ZMIZ1: variants seen among roughly 807,000 people sequenced by gnomAD.
The protein encoded by ZMIZ1 is zinc finger MIZ-type containing 1.
In ZMIZ1, 17 loss-of-function variants were observed where a neutral mutation model predicts 113.9. The observed-to-expected ratio is 0.15, with a 90% CI of 0.10 to 0.22. The LOEUF is 0.22. Ranked by LOEUF, ZMIZ1 falls within the 10% of genes least tolerant of loss-of-function variation. ZMIZ1 has a pLI of 1.00. For missense variants in ZMIZ1, 1,059 were observed against 1,477.8 expected, an observed-to-expected ratio of 0.72 and a Z score of 4.65; for synonymous variants, 607 against 603.1, an observed-to-expected ratio of 1.01 and a Z score of -0.09.
chr10:79,301,201 G>C (rs1007112178), intron 17 of ZMIZ1, among the ~76,000 whole-genome samples: 5 of 152,112 alleles, frequency 3.3e-5, no homozygotes, highest in Admixed American at 2.6e-4. Context: ...GCCTCCGTCT[G>C]TTCTCCACAC....
intron 1 of ZMIZ1, among the ~76,000 whole-genome samples, chr10:79,079,637 G>GC (rs2132178562): frequency 6.7e-6 from 1 of 148,640 alleles, no homozygotes; most frequent in South Asian, 2.3e-4. Flanking sequence ...TGGCACTGGG[G>GC]CCGGGGGGGT....
At chr10:79,258,763 A>C (rs1423623340) in intron 7 of ZMIZ1, among the ~76,000 whole-genome samples, 2 of 152,074 alleles carry the variant, frequency 1.3e-5, no homozygotes, top group Non-Finnish European at 2.9e-5. Context: ...AAGGCCATGG[A>C]CTGTTTTCTC....
intron 3 of ZMIZ1, among the ~76,000 whole-genome samples, chr10:79,160,758 T>C (rs1846082352): frequency 6.6e-6 from 1 of 152,246 alleles, no homozygotes; most frequent in Non-Finnish European, 1.5e-5. Context: ...ACCGAGCCCC[T>C]TGGCGTGTAT....
chr10:79,312,651 G>A lies in ZMIZ1; in HGVS notation c.3106G>A (p.Glu1036Lys), dbSNP rs762797945. Reference protein sequence around the residue: ...MPEPSLDLLPELTNPDELLSY... With the variant: ...MPEPSLDLLPKLTNPDELLSY... ...ACTCCTTCTTTTCCAGCTCCTTCCC[G>A]AACTCACAAATCCTGACGAGCTCCT... is the stretch of plus-strand genomic sequence containing the variant. Residue 1036 changes from glutamate to lysine, a missense_variant, in exon 25 of 25, where the codon GAA becomes AAA. Glu to Lys is a moderately conservative substitution (Grantham distance 56). Around this residue, in one of 6 missense-constraint regions of ZMIZ1, gnomAD observed 225 missense variants for 276.0 expected, o/e 0.82. Transcript: ENST00000334512. The A allele has an allele frequency of 2.5e-6, 4 of 1,614,066 alleles. No individual in the cohort carries two copies. Among genetic ancestry groups the A allele is most frequent in the Non-Finnish European group, 3.4e-6 (4 of 1,179,992 alleles).
chr10:79,114,099 G>A (rs968936821), intron 1 of ZMIZ1, among the ~76,000 whole-genome samples: 1 of 152,232 alleles, frequency 6.6e-6, no homozygotes, highest in South Asian at 2.1e-4. Flanking sequence ...GCTGGGGACT[G>A]GGGTGGCCCC....
At chr10:79,295,761 G>A (rs1410387136) in intron 12 of ZMIZ1, 2 of 152,292 alleles carry the variant, frequency 1.3e-5, no homozygotes, top group African/African-American at 4.8e-5. Context: ...GGGCAAGAGA[G>A]ACACTCAGAT....
At chr10:79,215,403 G>A (rs543884198) in intron 6 of ZMIZ1, among the ~76,000 whole-genome samples, 3 of 151,756 alleles carry the variant, frequency 2.0e-5, no homozygotes, top group East Asian at 1.9e-4. Flanking sequence ...AGGTCCAAGC[G>A]ATTCTTCTGC....
chr10:79,277,621 T>C (rs576054029), intron 8 of ZMIZ1, among the ~76,000 whole-genome samples: 265 of 152,284 alleles, frequency 1.7e-3, no homozygotes, highest in Non-Finnish European at 3.0e-3. Context: ...ACCAGGGTAT[T>C]GGGCAAACCC....
At chr10:79,206,824 C>T (rs1415948964) in intron 5 of ZMIZ1, among the ~76,000 whole-genome samples, 3 of 152,248 alleles carry the variant, frequency 2.0e-5, no homozygotes, top group African/African-American at 4.8e-5. Flanking sequence ...TGCTGCTTGC[C>T]TGCCCTCTTT....
intron 19 of ZMIZ1, among the ~76,000 whole-genome samples, chr10:79,304,562 G>T (rs544463556): frequency 6.6e-6 from 1 of 152,328 alleles, no homozygotes; most frequent in Admixed American, 6.5e-5. Flanking sequence ...GACAGCCCCA[G>T]TCTGAGCAGG....
In ZMIZ1 at chr10:79,069,050, G is replaced by A. The variant is rs1842153309; in HGVS notation, c.-557G>A. On this transcript the variant is annotated 5_prime_UTR_variant, in exon 1 of 25. Coordinates refer to ENST00000334512, the MANE Select transcript of ZMIZ1 (RefSeq NM_020338.4). The surrounding 1 kb of genome is among the most constrained non-coding windows in gnomAD (Gnocchi z 4.6). ...GCGGCGGCGGCGGGCGCCGGGGAGA[G>A]CGGGCGGCCGGGCGGCAGGCGGGCG... The A allele has an allele frequency of 1.3e-5, 2 of 151,398 alleles. No homozygotes were observed. Among genetic ancestry groups the A allele is most frequent in the Admixed American group, 1.3e-4 (2 of 15,070 alleles). 9.4% of individuals were successfully genotyped at this position (151,398 alleles called of 1,614,324 possible).
intron 1 of ZMIZ1, among the ~76,000 whole-genome samples, chr10:79,072,532 C>T (rs66870634): frequency 0.18 from 28,103 of 152,186 alleles, 5,071 homozygotes; most frequent in African/African-American, 0.47. Context: ...AGAATACCTG[C>T]GTATAAAGCC....
intron 4 of ZMIZ1, among the ~76,000 whole-genome samples, chr10:79,198,230 G>T (rs967685132): frequency 2.0e-5 from 3 of 152,130 alleles, no homozygotes; most frequent in African/African-American, 4.8e-5. Context: ...CTGCACTCCA[G>T]CCTGGGCGAC....
At chr10:79,109,255 C>T (rs988544244) in intron 1 of ZMIZ1, among the ~76,000 whole-genome samples, 4 of 152,164 alleles carry the variant, frequency 2.6e-5, no homozygotes, top group Non-Finnish European at 5.9e-5. Flanking sequence ...TGTGCAAGTG[C>T]GCCTGTGTGC....
At chr10:79,189,796 C>T (rs4979851) in intron 4 of ZMIZ1, among the ~76,000 whole-genome samples, 29,392 of 152,210 alleles carry the variant, frequency 0.19, 3,247 homozygotes, top group South Asian at 0.3. Flanking sequence ...TGTTGGTTTT[C>T]AGCAGGCAGC....
chr10:79,137,867 C>T (rs889540521), intron 2 of ZMIZ1, among the ~76,000 whole-genome samples: 6 of 151,922 alleles, frequency 3.9e-5, no homozygotes, highest in Admixed American at 1.3e-4. Context: ...TGGGCCCTGG[C>T]GCCTCTGCCA....
chr10:79,278,433 T>C (rs1852445060), intron 8 of ZMIZ1, among the ~76,000 whole-genome samples: 1 of 147,762 alleles, frequency 6.8e-6, no homozygotes, highest in South Asian at 2.1e-4. Context: ...ATTTTAATTC[T>C]TTTTTTTAAT....
In ZMIZ1 at chr10:79,204,220, C is replaced by T. The variant is rs188417179; in HGVS notation, c.60+2528C>T. ...TCACCTCTCCACACAGCCTTCCCTT[C>T]CTGCCCTCACCTTGGTTGTAGCCTT... On this transcript the variant is annotated intron_variant, in intron 5 of 24. Coordinates refer to ENST00000334512, the MANE Select transcript of ZMIZ1 (RefSeq NM_020338.4). Among the ~76,000 whole-genome samples the T allele has an allele frequency of 8.7e-4, 132 of 152,336 alleles. 1 individual carries two copies. The highest frequency in any genetic ancestry group is 1.9e-3 in the South Asian group (9 of 4,824).
chr10:79,135,108 C>T (rs1844943376), intron 2 of ZMIZ1, among the ~76,000 whole-genome samples: 1 of 152,244 alleles, frequency 6.6e-6, no homozygotes, highest in East Asian at 1.9e-4. Flanking sequence ...TGATCCACTG[C>T]ACCTGGTTGA....
Sources: gnomAD v4.1 joint callset for allele counts (sites outside exome capture counted in the v4.1 genomes callset) on GRCh38, gnomAD v4.1.1 for gene constraint, gnomAD v4.1.1 regional missense constraint, Gnocchi (gnomAD v3.1) non-coding constraint, MANE v1.5 for transcripts, NCBI Gene and HGNC (gene_info 2026-07-23, HGNC 2026-07-21) for gene names.